The following SLC33A1 variants were observed in gnomAD, a reference collection of about 807,000 sequenced individuals.
SLC33A1 encodes the protein acetyl-coenzyme A transporter 1.
Under a neutral mutation model 50.0 loss-of-function variants are expected in SLC33A1, and 20 were observed. The ratio of observed to expected loss-of-function variants is 0.40; its 90% CI spans 0.28 to 0.58. The LOEUF (loss-of-function observed/expected upper bound fraction) is 0.58, where lower values mean the gene tolerates loss of function less well. Among genes scored for constraint, SLC33A1 ranks in the 20% least tolerant of loss-of-function variants. SLC33A1 has a pLI of 0.44. For missense variants in SLC33A1, 476 were observed against 657.0 expected (o/e 0.72, Z 3.01); for synonymous variants, 265 against 251.8 (o/e 1.05, Z -0.50).
chr3:155,849,425 G>T (rs868033468), intron 1 of SLC33A1, among the ~76,000 whole-genome samples: 5 of 152,000 alleles, frequency 3.3e-5, no homozygotes, highest in African/African-American at 1.2e-4. Context: ...TGTTATAAAT[G>T]TGGTATGTTC....
In SLC33A1 at chr3:155,824,387, A is replaced by G. The variant is rs1032260181; in HGVS notation, c.*3823T>C. ...CAAATAATGGTCTCAACCATTTAAT[A>G]CAAAGCAACATACTTTCTCAGGTTT... On this transcript the variant is annotated 3_prime_UTR_variant, in exon 6 of 6. Transcript: ENST00000643144. 3 of 152,190 alleles carry G rather than the reference A, an allele frequency of 2.0e-5. No homozygotes were observed. Among genetic ancestry groups the G allele is most frequent in the Non-Finnish European group, 2.9e-5 (2 of 68,028 alleles). 9.4% of individuals were successfully genotyped at this position (152,190 alleles called of 1,614,324 possible). A position where few individuals can be genotyped will look rare whatever the true frequency, so the allele number is the denominator to read the frequency against.
At chr3:155,848,570 T>C (rs939270940) in intron 1 of SLC33A1, among the ~76,000 whole-genome samples, 5 of 152,076 alleles carry the variant, frequency 3.3e-5, no homozygotes, top group African/African-American at 9.7e-5. Context: ...TAGTCCCAGC[T>C]ACTCGGGAGG....
At chr3:155,828,926 G>A (rs374970852) in intron 5 of SLC33A1, among the ~76,000 whole-genome samples, 9 of 148,112 alleles carry the variant, frequency 6.1e-5, no homozygotes, top group African/African-American at 1.5e-4. Context: ...TTTAAGAGAC[G>A]GAGTCTTGTT....
chr3:155,853,116 ATCTCCCATACAATGATT>A (rs1184965208), intron 1 of SLC33A1, 90 bp downstream of exon 1: 2 of 1,024,702 alleles, frequency 2.0e-6, no homozygotes, highest in Middle Eastern at 2.9e-4. Context: ...ACCTTGAGTT[ATCTCCCATACAATGATT>A]TCCAGTAAAT....
chr3:155,839,217 G>A (rs1577466687), intron 2 of SLC33A1, among the ~76,000 whole-genome samples: 1 of 145,750 alleles, frequency 6.9e-6, no homozygotes, highest in East Asian at 2.0e-4. Context: ...CAGGAAAATC[G>A]CTTGAATCCA....
Position 155,833,931 on chromosome 3 carries a change from T to C in SLC33A1, c.1074A>G (p.Ile358Met). 1.2e-6 allele frequency: 2 copies of C among 1,613,528 alleles called. No homozygotes were observed. The highest frequency in any genetic ancestry group is 1.7e-6 in the Non-Finnish European group (2 of 1,179,510). ...TGTATTTGCTGATAATCAGAGGCAG[T>C]ATTATCTGCAAAGGAACCATTGGAA... ...LAVPMVPLQI[I>M]LPLIISKYTA... Residue 358 changes from isoleucine (I) to methionine (M), a missense_variant, in exon 3 of 6, where the codon ATA becomes ATG. Coordinates refer to ENST00000643144, the MANE Select transcript of SLC33A1 (RefSeq NM_004733.4).
chr3:155,828,712 T>A (rs1306715431), intron 5 of SLC33A1, among the ~76,000 whole-genome samples: 1 of 151,658 alleles, frequency 6.6e-6, no homozygotes. Flanking sequence ...ACCTCAGCCT[T>A]GTGAGTAGAT....
chr3:155,845,547 G>C (rs1214823202), intron 1 of SLC33A1, among the ~76,000 whole-genome samples: 1 of 152,138 alleles, frequency 6.6e-6, no homozygotes, highest in East Asian at 1.9e-4. Context: ...AAAGAAGGAA[G>C]TAGTGACAAT....
At chr3:155,848,357 G>A (rs1753264535) in intron 1 of SLC33A1, among the ~76,000 whole-genome samples, 1 of 152,128 alleles carries the variant, frequency 6.6e-6, no homozygotes, top group Non-Finnish European at 1.5e-5. Context: ...AAATAAAAAA[G>A]GAATTTCTAG....
rs397991448 is a variant in SLC33A1, at chr3:155,831,457, C to CAAAAAAAAAAAAAA, written c.1267-1568_1267-1555dup. On this transcript the variant is annotated intron_variant, in intron 4 of 5. Transcript: ENST00000643144. ...TGGGCAACAGAGTGAGACTCTGTCT[C>CAAAAAAAAAAAAAA]AAAAAAAAAAAAAAAAAAAAAAAAA... Among the ~76,000 whole-genome samples, 36 of 46,710 alleles carry CAAAAAAAAAAAAAA rather than the reference C, an allele frequency of 7.7e-4. 2 individuals are homozygous for CAAAAAAAAAAAAAA. The highest frequency in any genetic ancestry group is 2.0e-3 in the African/African-American group (35 of 17,210). 30.6% of individuals were successfully genotyped at this position (46,710 alleles called of 152,430 possible). A position where few individuals can be genotyped will look rare whatever the true frequency, so the allele number is the denominator to read the frequency against.
At chr3:155,833,349 C>A (rs1752522378) in intron 4 of SLC33A1, 119 bp downstream of exon 4, 4 of 757,464 alleles carry the variant, frequency 5.3e-6, no homozygotes, top group Non-Finnish European at 9.7e-6. Context: ...TCAATAATTT[C>A]TTCAGTGTCA....
At chr3:155,847,194 C>T (rs1395097490) in intron 1 of SLC33A1, among the ~76,000 whole-genome samples, 1 of 151,654 alleles carries the variant, frequency 6.6e-6, no homozygotes, top group Non-Finnish European at 1.5e-5. Context: ...GATGACATGG[C>T]AAGACGCTGT....
rs1406213371 is a variant in SLC33A1 at position 155,853,378 on chromosome 3, C to T, written c.620G>A (p.Arg207Lys). The T allele has an allele frequency of 1.2e-6, 2 of 1,614,144 alleles. No individual in the cohort carries two copies. The highest frequency in any genetic ancestry group is 2.2e-5 in the East Asian group (1 of 44,888). The change falls in exon 1 of 6, where the codon AGG (arginine) becomes AAG (lysine). Residue 207 changes from arginine to lysine, a missense_variant. By Grantham distance (26) the Arg-to-Lys change is conservative. Transcript: ENST00000643144. ...VDGWALTMLS[R>K]ENVGYASTCN... ...AGTAGAAGCATAACCCACATTTTCC[C>T]TGGATAACATAGTTAACGCCCAACC...
chr3:155,832,743 A>G (rs1462745153), intron 4 of SLC33A1, among the ~76,000 whole-genome samples: 1 of 150,846 alleles, frequency 6.6e-6, no homozygotes, highest in Admixed American at 6.6e-5. Flanking sequence ...AAAAAAAAAA[A>G]AAAAAGCAGA....
chr3:155,846,335 C>G (rs1397862816), intron 1 of SLC33A1, among the ~76,000 whole-genome samples: 2 of 152,182 alleles, frequency 1.3e-5, no homozygotes, highest in East Asian at 3.8e-4. Flanking sequence ...CATCCAGATA[C>G]TCAGATACAC....
rs1752184027 is a variant in SLC33A1 at position 155,825,829 on chromosome 3, G to T, written c.*2381C>A. 6.6e-6 allele frequency: 1 copy of T among 152,120 alleles called. No homozygotes were observed. The highest frequency in any genetic ancestry group is 2.1e-4 in the South Asian group (1 of 4,822). The allele number at this position is 152,120 out of a possible 1,614,324, so 9.4% of individuals were successfully genotyped here. On this transcript the variant is annotated 3_prime_UTR_variant, in exon 6 of 6. Coordinates refer to ENST00000643144, the MANE Select transcript of SLC33A1 (RefSeq NM_004733.4). ...AAAACACCCACAACATAAAAACAGG[G>T]TGGTATATTTTAGTACTACTGATTT...
chr3:155,831,985 T>C lies in SLC33A1; in HGVS notation c.1266+1483A>G, dbSNP rs115764035. ...GGATATAAGCTAGAAAAATCCAAAG[T>C]GACTCAGAAATATGCATTAGCAATA... On this transcript the variant is annotated intron_variant, in intron 4 of 5. Transcript: ENST00000643144. Among the ~76,000 whole-genome samples the C allele has an allele frequency of 5.2e-3, 794 of 152,312 alleles. 21 individuals carry two copies. In the South Asian group the frequency reaches 0.064, roughly 12 times the overall value.
rs1382446820 is a variant in SLC33A1 at position 155,854,379 on chromosome 3, T to C, written c.-382A>G. 1 of 195,246 alleles carries C rather than the reference T, an allele frequency of 5.1e-6. No homozygotes were observed. Among genetic ancestry groups the C allele is most frequent in the Non-Finnish European group, 1.0e-5 (1 of 96,118 alleles). The allele number at this position is 195,246 out of a possible 1,614,324, so 12.1% of individuals were successfully genotyped here. ...ACCCAACACCTCCAGCTCTCGCTGC[T>C]ATCAATGCGGCAGAGAGCACTTTCT... On this transcript the variant is annotated 5_prime_UTR_variant, in exon 1 of 6. In the 5' UTR this introduces an upstream ATG that the reference lacks. Coordinates refer to ENST00000643144, the MANE Select transcript of SLC33A1 (RefSeq NM_004733.4).
chr3:155,852,909 T>C (rs1753454876), intron 1 of SLC33A1, among the ~76,000 whole-genome samples: 1 of 152,048 alleles, frequency 6.6e-6, no homozygotes, highest in African/African-American at 2.4e-5. Context: ...AAAGGAAAAA[T>C]GTGAACCATA....
Sources: allele counts gnomAD v4.1 joint callset (sites outside exome capture counted in the v4.1 genomes callset), GRCh38; gene constraint gnomAD v4.1.1; transcripts MANE v1.5; gene names NCBI Gene and HGNC (gene_info 2026-07-23, HGNC 2026-07-21).